The following WDFY3 variants were observed in gnomAD, a reference collection of about 807,000 sequenced individuals.
WDFY3 encodes the protein WD repeat and FYVE domain containing 3, also known as WD repeat and FYVE domain-containing protein 3.
WDFY3 carries 66 observed loss-of-function variants against 409.6 expected under a neutral mutation model. That is an observed-to-expected ratio of 0.16 (90% CI 0.13 to 0.20). The LOEUF is 0.20. Among genes scored for constraint, WDFY3 ranks in the 10% least tolerant of loss-of-function variants. The probability of loss-of-function intolerance (pLI) is 1.00; values close to 1 mark genes in which losing one functional copy is unlikely to be tolerated. For missense variants in WDFY3, 3,031 were observed against 4,298.1 expected (o/e 0.71, Z 8.24); for synonymous variants, 1,521 against 1,537.1 (o/e 0.99, Z 0.25).
chr4:84,850,332 T>G (rs2046403), intron 4 of WDFY3, among the ~76,000 whole-genome samples: 64,246 of 150,826 alleles, frequency 0.43, 14,030 homozygotes, highest in African/African-American at 0.5. Flanking sequence ...TCTTTTTTTT[T>G]GGGGGGGACA....
chr4:84,851,865 T>C (rs1410589001), intron 4 of WDFY3, among the ~76,000 whole-genome samples: 1 of 152,134 alleles, frequency 6.6e-6, no homozygotes, highest in Non-Finnish European at 1.5e-5. Context: ...CTATAATACA[T>C]ACCTGTGATA....
Position 84,735,131 on chromosome 4 carries a change from A to T in WDFY3, c.6916-11T>A, listed in dbSNP as rs1737218756. 6.2e-7 allele frequency: 1 copy of T among 1,608,512 alleles called. No individual in the cohort carries two copies. The highest frequency in any genetic ancestry group is 8.5e-7 in the Non-Finnish European group (1 of 1,177,854). ...CCACTGCGAAATCTCCTAACAATGG[A>T]TGGAAAAAGAGTCTTAATATTTCAT... On this transcript the variant is annotated splice_polypyrimidine_tract_variant and intron_variant, in intron 42 of 67. Coordinates refer to ENST00000295888, the MANE Select transcript of WDFY3 (RefSeq NM_014991.6).
chr4:84,952,690 T>C (rs551676130), intron 1 of WDFY3, among the ~76,000 whole-genome samples: 1 of 152,104 alleles, frequency 6.6e-6, no homozygotes, highest in Admixed American at 6.5e-5. Context: ...CAGAAATAAT[T>C]TAAACATTGC....
intron 24 of WDFY3, among the ~76,000 whole-genome samples, chr4:84,784,891 T>TATATACACACAC (rs1238884117): frequency 2.2e-3 from 82 of 36,912 alleles, no homozygotes; most frequent in African/African-American, 6.0e-3. Context: ...TATATATATA[T>TATATACACACAC]ACACACACAC....
chr4:84,930,576 A>G (rs1160545896), intron 2 of WDFY3, among the ~76,000 whole-genome samples: 1 of 152,244 alleles, frequency 6.6e-6, no homozygotes, highest in Non-Finnish European at 1.5e-5. Flanking sequence ...CCAAAATCAC[A>G]GTTGGCAGCT....
At chr4:84,928,708 C>A (rs1194285179) in intron 2 of WDFY3, among the ~76,000 whole-genome samples, 1 of 152,144 alleles carries the variant, frequency 6.6e-6, no homozygotes, top group Non-Finnish European at 1.5e-5. Flanking sequence ...AAAATGACCA[C>A]AAACAAGTTG....
At chr4:84,951,554 GAT>G (rs1305534182) in intron 1 of WDFY3, among the ~76,000 whole-genome samples, 1 of 152,120 alleles carries the variant, frequency 6.6e-6, no homozygotes. Flanking sequence ...TTAGAAGTAT[GAT>G]ATATATCTAT....
At chr4:84,758,592 C>G (rs1004122803) in intron 32 of WDFY3, among the ~76,000 whole-genome samples, 1 of 151,968 alleles carries the variant, frequency 6.6e-6, no homozygotes, top group Non-Finnish European at 1.5e-5. Flanking sequence ...TGGAGTGCAG[C>G]AAAGTACATA....
At chr4:84,715,412 G>GA in intron 49 of WDFY3, 29 bp from the exon 50 acceptor site, 1 of 1,193,764 alleles carries the variant, frequency 8.4e-7, no homozygotes, top group South Asian at 1.3e-5. Context: ...AAAACATTAA[G>GA]AAAAAACAGA....
intron 44 of WDFY3, among the ~76,000 whole-genome samples, chr4:84,732,375 A>G (rs1442995794): frequency 3.9e-5 from 6 of 152,214 alleles, no homozygotes; most frequent in African/African-American, 1.4e-4. Flanking sequence ...CAAATACCTA[A>G]CAATTTTTGT....
At chr4:84,868,304 CT>C (rs917646969) in intron 3 of WDFY3, among the ~76,000 whole-genome samples, 4 of 142,630 alleles carry the variant, frequency 2.8e-5, no homozygotes, top group African/African-American at 7.7e-5. Flanking sequence ...ACCTCTTATA[CT>C]TTTTAAGAAT....
At chr4:84,868,241 TTTC>T (rs371084736) in intron 3 of WDFY3, among the ~76,000 whole-genome samples, 6 of 151,142 alleles carry the variant, frequency 4.0e-5, no homozygotes, top group Non-Finnish European at 7.4e-5. Flanking sequence ...TTCCTTTTTC[TTTC>T]TTCTTCTTAA....
At chr4:84,674,399 A>G (rs1725912756) in intron 67 of WDFY3, among the ~76,000 whole-genome samples, 1 of 151,640 alleles carries the variant, frequency 6.6e-6, no homozygotes, top group Non-Finnish European at 1.5e-5. Context: ...GTGAGACTCT[A>G]TCTCTACAAA....
intron 12 of WDFY3, among the ~76,000 whole-genome samples, chr4:84,818,817 G>T (rs1186055733): frequency 6.6e-6 from 1 of 152,104 alleles, no homozygotes; most frequent in African/African-American, 2.4e-5. Flanking sequence ...GAAAAGAATT[G>T]TATGAAATTG....
chr4:84,957,380 A>G (rs546547904), intron 1 of WDFY3, among the ~76,000 whole-genome samples: 9 of 152,296 alleles, frequency 5.9e-5, no homozygotes, highest in Non-Finnish European at 1.0e-4. Context: ...AATCTATTGG[A>G]CACAGTAATT....
chr4:84,854,864 G>T (rs796321962), intron 4 of WDFY3, among the ~76,000 whole-genome samples: 3 of 152,232 alleles, frequency 2.0e-5, no homozygotes, highest in African/African-American at 7.2e-5. Flanking sequence ...AGCCAAGATG[G>T]TACCATGGCA....
intron 25 of WDFY3, among the ~76,000 whole-genome samples, chr4:84,781,953 C>A (rs1746597580): frequency 6.6e-6 from 1 of 152,130 alleles, no homozygotes; most frequent in Non-Finnish European, 1.5e-5. Flanking sequence ...ACCAGCACAA[C>A]ACTAACTTTT....
rs1729886578 is a variant in WDFY3 at position 84,695,209 on chromosome 4, G to C, written c.8901+761C>G. Among the ~76,000 whole-genome samples, 2 of 152,060 alleles carry C rather than the reference G, an allele frequency of 1.3e-5. 1 individual carries two copies. The highest frequency in any genetic ancestry group is 4.1e-4 in the South Asian group (2 of 4,820). ...TCTTCATGGAGGTTTGCTCATCACT[G>C]AACATGAAACAGGCCTACAGTATCT... On this transcript the variant is annotated intron_variant, in intron 58 of 67. Coordinates refer to ENST00000295888, the MANE Select transcript of WDFY3 (RefSeq NM_014991.6).
rs764360213 is a variant in WDFY3 at position 84,766,315 on chromosome 4, C to G, written c.4907G>C (p.Arg1636Thr). Residue 1636 changes from arginine to threonine, a missense_variant, in exon 31 of 68, where the codon AGA (arginine) becomes ACA (threonine). Transcript: ENST00000295888. Reference sequence around the variant, plus strand: ...TAGTTTTAGCAAGATATCCAGAAGTCTGTTCCTCAAAAGTATAAGATTAGC... The same window carrying G: ...TAGTTTTAGCAAGATATCCAGAAGTGTGTTCCTCAAAAGTATAAGATTAGC... ...VSANLILLRN[R>T]LLDILLKLIY... 1 of 1,602,542 alleles carries G rather than the reference C, an allele frequency of 6.2e-7. No individual in the cohort carries two copies. Among genetic ancestry groups the G allele is most frequent in the Admixed American group, 1.8e-5 (1 of 57,098 alleles).
Sources: gnomAD v4.1 joint callset for allele counts (sites outside exome capture counted in the v4.1 genomes callset) on GRCh38, gnomAD v4.1.1 for gene constraint, MANE v1.5 for transcripts, NCBI Gene and HGNC (gene_info 2026-07-23, HGNC 2026-07-21) for gene names.